The following CHD8 variants were observed in gnomAD, a reference collection of about 807,000 sequenced individuals.
The protein encoded by CHD8 is ATP-dependent chromatin remodeler CHD8.
In CHD8, 31 loss-of-function variants were observed where a neutral mutation model predicts 279.2. That is an observed-to-expected ratio of 0.11 (90% CI 0.08 to 0.15). The LOEUF is 0.15. Ranked by LOEUF, CHD8 falls within the 10% of genes least tolerant of loss-of-function variation. The pLI is 1.00. For synonymous variants in CHD8, 1,081 were observed against 1,139.6 expected, an observed-to-expected ratio of 0.95 and a Z score of 1.04; for missense variants, 2,146 against 3,230.5, an observed-to-expected ratio of 0.66 and a Z score of 8.14.
At position 21,432,758 on chromosome 14, in the gene CHD8, G is replaced by A. The variant is rs370316074; in HGVS notation, c.-215-900C>T. On this transcript the variant is annotated intron_variant, in intron 1 of 37. Coordinates refer to ENST00000646647, the MANE Select transcript of CHD8 (RefSeq NM_001170629.2). ...ATTAAGTGAGCCCTGAACCTCTGAC[G>A]CTTTAACAACTGAGCAACTTGTGAT... Among the ~76,000 whole-genome samples, 5 of 152,108 alleles carry A rather than the reference G, an allele frequency of 3.3e-5. No homozygotes were observed. The East Asian group carries it at 5.8e-4, about 18-fold the overall frequency.
Position 21,428,211 on chromosome 14 carries a change from T to G in CHD8, c.1259A>C (p.Lys420Thr). Reference protein sequence around the residue: ...QGASSGLSVVKVLSASEVAAL... With the variant: ...QGASSGLSVVTVLSASEVAAL... ...TGCCACTTCACTGGCACTCAGAACT[T>G]TAACTACAGAGAGCCCAGAAGAGGC... The change falls in exon 4 of 38, where the codon AAA becomes ACA. Residue 420 changes from lysine to threonine, a missense_variant. Lys to Thr is a moderately conservative substitution (Grantham distance 78, BLOSUM62 -1). Coordinates refer to ENST00000646647, the MANE Select transcript of CHD8 (RefSeq NM_001170629.2). 6.2e-7 allele frequency: 1 copy of G among 1,614,020 alleles called. No homozygotes were observed. Among genetic ancestry groups the G allele is most frequent in the Non-Finnish European group, 8.5e-7 (1 of 1,179,896 alleles).
At chr14:21,453,848 C>A (rs1180037695) in intron 1 of CHD8, among the ~76,000 whole-genome samples, 1 of 151,830 alleles carries the variant, frequency 6.6e-6, no homozygotes, top group Non-Finnish European at 1.5e-5. Flanking sequence ...TTTTGACACC[C>A]ACAACTTAAT....
chr14:21,450,656 T>C (rs1890235153), intron 1 of CHD8, among the ~76,000 whole-genome samples: 1 of 150,634 alleles, frequency 6.6e-6, no homozygotes, highest in Non-Finnish European at 1.5e-5. Flanking sequence ...AGATCCTGTC[T>C]CTTAAAAAAA....
In CHD8 at chr14:21,436,959, C is replaced by G. The variant is rs1286792024; in HGVS notation, c.-215-5101G>C. The stretch of plus-strand genomic sequence containing the variant: ...TCCATACAGCAGAGGCGGAAGATTT[C>G]TGGTAACTGGAGACCCCAAAATGGA... On this transcript the variant is annotated intron_variant, in intron 1 of 37. Transcript: ENST00000646647. 5 of 1,285,928 alleles carry G rather than the reference C, an allele frequency of 3.9e-6. No homozygotes were observed. The South Asian group carries it at 6.2e-5, about 16-fold the overall frequency. 79.7% of individuals were successfully genotyped at this position (1,285,928 alleles called of 1,614,324 possible).
chr14:21,418,358 A>C (rs1304726379), intron 5 of CHD8, among the ~76,000 whole-genome samples: 1 of 151,778 alleles, frequency 6.6e-6, no homozygotes, highest in Non-Finnish European at 1.5e-5. Flanking sequence ...TCTCTACTAA[A>C]AATACAAAAA....
chr14:21,430,997 G>C lies in CHD8; in HGVS notation c.647C>G (p.Ser216Cys). 6.3e-7 allele frequency: 1 copy of C among 1,599,550 alleles called. No individual in the cohort carries two copies. The highest frequency in any genetic ancestry group is 8.5e-7 in the Non-Finnish European group (1 of 1,179,792). The change falls in exon 2 of 38, where the codon TCC becomes TGC. Residue 216 changes from serine (S) to cysteine (C), a missense_variant. Physicochemically the swap from Ser to Cys is moderately radical, Grantham distance 112. Around this residue, in one of 26 missense-constraint regions of CHD8, gnomAD observed 302 missense variants for 325.5 expected, o/e 0.93. Transcript: ENST00000646647. Reference protein sequence around the residue: ...LTGTPLRPGVSIVSGNTVLAA... With the variant: ...LTGTPLRPGVCIVSGNTVLAA... ...CAACACTGTATTACCAGAGACAATG[G>C]AAACACCTGGTCGAAGGGGTGTGCC...
In CHD8 at chr14:21,431,542, C is replaced by T. The variant is rs1267207355; in HGVS notation, c.102G>A (p.Glu34=). ...GAGAGCTTGGCAGTCCAAGGGCTTC[C>T]TCAATGGGGTCTTGTGTGACCTGGT... ...SFNQVTQDPI[E]EALGLPSSLD... Residue 34 remains glutamate, a synonymous_variant, in exon 2 of 38, where the codon GAG becomes GAA. Transcript: ENST00000646647. 6.5e-7 allele frequency: 1 copy of T among 1,537,206 alleles called. No homozygotes were observed. The highest frequency in any genetic ancestry group is 1.2e-5 in the South Asian group (1 of 84,056).
chr14:21,394,756 G>C (rs1366148424), intron 30 of CHD8, 156 bp downstream of exon 30: 2 of 724,882 alleles, frequency 2.8e-6, no homozygotes, highest in African/African-American at 1.8e-5. Flanking sequence ...ATTACTGCAT[G>C]CAAGTGAGGT....
chr14:21,389,044 G>C (rs970026131), intron 37 of CHD8, among the ~76,000 whole-genome samples: 2 of 152,200 alleles, frequency 1.3e-5, no homozygotes, highest in African/African-American at 4.8e-5. Context: ...GCTCACGCCT[G>C]TAATCCCAAC....
intron 37 of CHD8, among the ~76,000 whole-genome samples, chr14:21,387,638 CAAA>C (rs34278173): frequency 7.3e-5 from 5 of 68,496 alleles, no homozygotes; most frequent in Admixed American, 1.9e-4. Context: ...AACTCTGTAT[CAAA>C]AAAAAAAAAA....
At chr14:21,394,548 T>C in intron 30 of CHD8, 63 bp from the exon 31 acceptor site, 1 of 1,127,950 alleles carries the variant, frequency 8.9e-7, no homozygotes, top group Non-Finnish European at 1.3e-6. Context: ...ACAAGAAAAC[T>C]GGTTATTTTT....
At chr14:21,399,048 C>A in intron 26 of CHD8, 1 of 389,450 alleles carries the variant, frequency 2.6e-6, no homozygotes. Context: ...TGACCAGCAG[C>A]ATCTGATATT....
In CHD8 at chr14:21,431,698, G is replaced by C. The variant is rs765589045; in HGVS notation, c.-55C>G. The C allele has an allele frequency of 2.4e-4, 391 of 1,596,154 alleles. 1 individual carries two copies. Among genetic ancestry groups the C allele is most frequent in the Middle Eastern group, 6.6e-4 (4 of 6,020 alleles). ...AAGGTCTAGGGAGGGAAGGGGAGGG[G>C]GGGTACTGGCTCTCCCCTCCCCTCC... On this transcript the variant is annotated 5_prime_UTR_variant, in exon 2 of 38. Coordinates refer to ENST00000646647, the MANE Select transcript of CHD8 (RefSeq NM_001170629.2).
intron 1 of CHD8, among the ~76,000 whole-genome samples, chr14:21,432,473 T>C (rs113615176): frequency 6.6e-6 from 1 of 152,190 alleles, no homozygotes; most frequent in African/African-American, 2.4e-5. Flanking sequence ...AAGAAAACTT[T>C]CTCATATTTA....
intron 1 of CHD8, among the ~76,000 whole-genome samples, chr14:21,455,474 T>C (rs1276402106): frequency 6.6e-6 from 1 of 151,964 alleles, no homozygotes; most frequent in East Asian, 1.9e-4. Flanking sequence ...CTTCCCACCA[T>C]CTCTAAACAT....
At chr14:21,446,942 T>TATGACTTGTCC (rs2139570147) in intron 1 of CHD8, among the ~76,000 whole-genome samples, 1 of 152,384 alleles carries the variant, frequency 6.6e-6, no homozygotes, top group East Asian at 1.9e-4. Flanking sequence ...AAGGCTTGTC[T>TATGACTTGTCC]ATGACTTGTC....
At chr14:21,449,441 T>A (rs1465281390) in intron 1 of CHD8, among the ~76,000 whole-genome samples, 2 of 152,204 alleles carry the variant, frequency 1.3e-5, no homozygotes, top group African/African-American at 4.8e-5. Context: ...ACTGAAGGCT[T>A]CTCTCAAAGC....
chr14:21,406,702 C>T (rs1202556987), intron 14 of CHD8, among the ~76,000 whole-genome samples, 154 bp downstream of exon 14: 1 of 152,178 alleles, frequency 6.6e-6, no homozygotes, highest in African/African-American at 2.4e-5. Context: ...ATGACTTTTA[C>T]ACGACTTTCA....
At chr14:21,446,748 G>T (rs1375722185) in intron 1 of CHD8, among the ~76,000 whole-genome samples, 1 of 152,244 alleles carries the variant, frequency 6.6e-6, no homozygotes, top group Non-Finnish European at 1.5e-5. Context: ...AATTTAGGCA[G>T]TGTAGCTCCA....
Sources: gnomAD v4.1 joint callset for allele counts (sites outside exome capture counted in the v4.1 genomes callset) on GRCh38, gnomAD v4.1.1 for gene constraint, gnomAD v4.1.1 regional missense constraint, MANE v1.5 for transcripts, NCBI Gene and HGNC (gene_info 2026-07-23, HGNC 2026-07-21) for gene names.